CNOT2: variants seen among roughly 807,000 people sequenced by gnomAD.
The protein encoded by CNOT2 is CCR4-NOT transcription complex subunit 2.
CNOT2 carries 7 observed loss-of-function variants against 72.1 expected under a neutral mutation model. That is an observed-to-expected ratio of 0.10 (90% CI 0.06 to 0.18). CNOT2 has a LOEUF of 0.18. Among genes scored for constraint, CNOT2 ranks in the 10% least tolerant of loss-of-function variants. The probability of loss-of-function intolerance (pLI) is 1.00; values close to 1 mark genes in which losing one functional copy is unlikely to be tolerated. For synonymous variants in CNOT2, 196 were observed against 225.6 expected, an observed-to-expected ratio of 0.87 and a Z score of 1.17; for missense variants, 345 against 660.3, an observed-to-expected ratio of 0.52 and a Z score of 5.23.
chr12:70,287,897 C>T (rs1233181568), intron 2 of CNOT2, among the ~76,000 whole-genome samples: 1 of 149,492 alleles, frequency 6.7e-6, no homozygotes, highest in Non-Finnish European at 1.5e-5. Context: ...GACATTTCTC[C>T]CAAGGGGATT....
At chr12:70,307,539 C>A (rs915709949) in intron 2 of CNOT2, among the ~76,000 whole-genome samples, 1 of 151,692 alleles carries the variant, frequency 6.6e-6, no homozygotes, top group Non-Finnish European at 1.5e-5. Context: ...ACTGAAATGT[C>A]ATGCTGCACA....
chr12:70,346,982 A>G (rs1882252814), intron 15 of CNOT2, among the ~76,000 whole-genome samples: 1 of 152,102 alleles, frequency 6.6e-6, no homozygotes, highest in African/African-American at 2.4e-5. Context: ...TGCCTAGTAG[A>G]GAATATATTA....
intron 4 of CNOT2, among the ~76,000 whole-genome samples, chr12:70,328,259 C>T (rs943069664): frequency 2.6e-5 from 4 of 151,870 alleles, no homozygotes; most frequent in African/African-American, 4.8e-5. Context: ...GTGAGATACT[C>T]GCTAACCACT....
intron 3 of CNOT2, among the ~76,000 whole-genome samples, chr12:70,314,581 CAATAT>C (rs1327975081): frequency 1.3e-5 from 2 of 151,990 alleles, no homozygotes; most frequent in Non-Finnish European, 1.5e-5. Context: ...GACATTCAGA[CAATAT>C]AATATAATGC....
chr12:70,347,979 T>C (rs1376902632), intron 15 of CNOT2: 3 of 152,244 alleles, frequency 2.0e-5, no homozygotes, highest in African/African-American at 7.2e-5. Context: ...CTCCTATTGC[T>C]GTTATTTATG....
At chr12:70,265,304 T>TCTTCTCTTCTCTTCTCTTCC (rs1352827634) in intron 1 of CNOT2, among the ~76,000 whole-genome samples, 11 of 146,094 alleles carry the variant, frequency 7.5e-5, no homozygotes, top group Non-Finnish European at 1.7e-4. Context: ...TCTTCTCTTC[T>TCTTCTCTTCTCTTCTCTTCC]CTTCTCTTCT....
intron 2 of CNOT2, among the ~76,000 whole-genome samples, chr12:70,305,454 G>A (rs1425516505): frequency 6.6e-6 from 1 of 152,140 alleles, no homozygotes; most frequent in East Asian, 1.9e-4. Flanking sequence ...CAGACACAGA[G>A]CCAAACCATA....
At chr12:70,343,866 A>G (rs1464071712) in intron 13 of CNOT2, 2 of 321,064 alleles carry the variant, frequency 6.2e-6, no homozygotes, top group Non-Finnish European at 1.1e-5. Flanking sequence ...CTTGCTTGGA[A>G]GTCTTTATTG....
intron 2 of CNOT2, among the ~76,000 whole-genome samples, chr12:70,289,639 C>G (rs1158308400): frequency 6.6e-6 from 1 of 151,740 alleles, no homozygotes; most frequent in Non-Finnish European, 1.5e-5. Flanking sequence ...TTCTTTTTTT[C>G]TCACCATGCT....
chr12:70,297,975 G>C (rs1334637070), intron 2 of CNOT2: 1 of 165,396 alleles, frequency 6.0e-6, no homozygotes. Flanking sequence ...GACCTCAGGT[G>C]ATCCACCCAC....
intron 2 of CNOT2, among the ~76,000 whole-genome samples, chr12:70,309,594 C>T (rs1025379240): frequency 6.6e-6 from 1 of 152,034 alleles, no homozygotes; most frequent in African/African-American, 2.4e-5. Context: ...ATTGTTCACT[C>T]ATTTATAATG....
At chr12:70,278,440 G>T (rs1593104287) in intron 2 of CNOT2, 166 bp downstream of exon 2, 12 of 487,048 alleles carry the variant, frequency 2.5e-5, no homozygotes, top group South Asian at 7.6e-5. Flanking sequence ...GAAATAGTTG[G>T]GAACACTTTT....
chr12:70,343,810 T>C (rs946642399), intron 13 of CNOT2: 1 of 213,148 alleles, frequency 4.7e-6, no homozygotes, highest in African/African-American at 2.3e-5. Flanking sequence ...CACAATGCTA[T>C]TGTTAGGTTC....
chr12:70,337,872 C>G, intron 9 of CNOT2: 1 of 399,530 alleles, frequency 2.5e-6, no homozygotes, highest in Non-Finnish European at 4.8e-6. Flanking sequence ...TGTGTTGATT[C>G]AACCAACTCA....
At chr12:70,313,443 T>G (rs1272900955) in intron 3 of CNOT2, among the ~76,000 whole-genome samples, 36 of 152,092 alleles carry the variant, frequency 2.4e-4, no homozygotes, top group Admixed American at 2.4e-3. Flanking sequence ...AGGAAGACAT[T>G]TCCCAATTAC....
chr12:70,283,151 A>C (rs1309645719), intron 2 of CNOT2, among the ~76,000 whole-genome samples: 1 of 152,152 alleles, frequency 6.6e-6, no homozygotes, highest in African/African-American at 2.4e-5. Context: ...ATTATTGAAC[A>C]TGTTTCTCTC....
At chr12:70,320,066 G>A (rs1878033641) in intron 4 of CNOT2, among the ~76,000 whole-genome samples, 1 of 151,470 alleles carries the variant, frequency 6.6e-6, no homozygotes, top group South Asian at 2.1e-4. Flanking sequence ...TTCCCAAATT[G>A]TTAAATATTA....
chr12:70,283,910 A>G (rs1870370101), intron 2 of CNOT2, among the ~76,000 whole-genome samples: 1 of 149,064 alleles, frequency 6.7e-6, no homozygotes, highest in South Asian at 2.1e-4. Context: ...AACGGAAGTC[A>G]CTTTGACTTC....
At chr12:70,280,102 G>A (rs76593577) in intron 2 of CNOT2, among the ~76,000 whole-genome samples, 2,311 of 152,164 alleles carry the variant, frequency 0.015, 59 homozygotes, top group African/African-American at 0.052. Context: ...CATCACTAAA[G>A]TAACATTTAT....
Sources: gnomAD v4.1 joint callset for allele counts (sites outside exome capture counted in the v4.1 genomes callset) on GRCh38, gnomAD v4.1.1 for gene constraint, MANE v1.5 for transcripts, NCBI Gene and HGNC (gene_info 2026-07-23, HGNC 2026-07-21) for gene names.